Variants in TANC1 observed in about 807,000 individuals in gnomAD.
TANC1 encodes protein TANC1.
A neutral mutation model predicts 149.7 loss-of-function variants in TANC1; 77 were observed. The observed-to-expected ratio is 0.51, with a 90% CI of 0.43 to 0.62. The LOEUF is 0.62. Ranked by LOEUF, TANC1 falls within the 20% of genes least tolerant of loss-of-function variation. The pLI is 0.00. For missense variants in TANC1, 1,985 were observed against 2,321.8 expected, an observed-to-expected ratio of 0.85 and a Z score of 2.98; for synonymous variants, 854 against 925.0, an observed-to-expected ratio of 0.92 and a Z score of 1.39.
At chr2:158,995,578 A>G (rs938177556) in intron 1 of TANC1, among the ~76,000 whole-genome samples, 3 of 152,110 alleles carry the variant, frequency 2.0e-5, no homozygotes, top group Non-Finnish European at 4.4e-5. Context: ...TCATTGCTTA[A>G]GATCTCCCCT....
chr2:159,211,891 C>T (rs2059007167), intron 19 of TANC1, among the ~76,000 whole-genome samples: 1 of 152,230 alleles, frequency 6.6e-6, no homozygotes, highest in Non-Finnish European at 1.5e-5. Context: ...TCACCAAATA[C>T]ATAGCAAGGG....
chr2:159,016,541 ATTTT>A (rs34990286), intron 2 of TANC1, among the ~76,000 whole-genome samples: 2 of 146,304 alleles, frequency 1.4e-5, no homozygotes, highest in East Asian at 4.0e-4. Context: ...TTTAATAAGT[ATTTT>A]TTTTTAGTTT....
chr2:159,112,982 G>T (rs1388357649), intron 4 of TANC1, among the ~76,000 whole-genome samples: 1 of 151,842 alleles, frequency 6.6e-6, no homozygotes, highest in South Asian at 2.1e-4. Flanking sequence ...GTCTTGCTGT[G>T]TCACCCAGGC....
chr2:159,168,917 T>C (rs976157197), intron 8 of TANC1, among the ~76,000 whole-genome samples: 8 of 152,188 alleles, frequency 5.3e-5, no homozygotes, highest in Non-Finnish European at 1.2e-4. Flanking sequence ...CTGCTTGTGG[T>C]GTTAAGTACT....
chr2:158,990,909 C>CA (rs1427976531), intron 1 of TANC1, among the ~76,000 whole-genome samples: 3 of 151,598 alleles, frequency 2.0e-5, no homozygotes, highest in Non-Finnish European at 4.4e-5. Flanking sequence ...CTCGTCTCTA[C>CA]AAAAAATACA....
intron 1 of TANC1, among the ~76,000 whole-genome samples, chr2:158,990,810 C>A (rs2035542236): frequency 6.6e-6 from 1 of 152,110 alleles, no homozygotes; most frequent in African/African-American, 2.4e-5. Flanking sequence ...CTGTGGCTCA[C>A]ACCTGTAATC....
intron 4 of TANC1, among the ~76,000 whole-genome samples, chr2:159,099,504 A>AAAAAC (rs546422995): frequency 2.7e-5 from 4 of 150,636 alleles, no homozygotes; most frequent in East Asian, 1.9e-4. Context: ...GACCAAAAAA[A>AAAAAC]AAAACAAAAC....
At chr2:159,107,832 G>C (rs1189429302) in intron 4 of TANC1, among the ~76,000 whole-genome samples, 1 of 152,190 alleles carries the variant, frequency 6.6e-6, no homozygotes, top group African/African-American at 2.4e-5. Flanking sequence ...CCGAGCATCT[G>C]TAGCACTGTG....
At chr2:159,010,223 G>A (rs1376268990) in intron 2 of TANC1, among the ~76,000 whole-genome samples, 1 of 152,168 alleles carries the variant, frequency 6.6e-6, no homozygotes. Context: ...GAGAACATTA[G>A]TAGTAAGATT....
At chr2:159,222,745 G>A (rs1182826915) in intron 22 of TANC1, among the ~76,000 whole-genome samples, 1 of 152,138 alleles carries the variant, frequency 6.6e-6, no homozygotes, top group Non-Finnish European at 1.5e-5. Context: ...GTTCTTTGGG[G>A]TATATATCCA....
In TANC1 at chr2:159,097,790, G is replaced by T. The variant is rs771808991; in HGVS notation, c.215G>T (p.Arg72Leu). The T allele has an allele frequency of 6.2e-7, 1 of 1,613,848 alleles. No homozygotes were observed. The highest frequency in any genetic ancestry group is 8.5e-7 in the Non-Finnish European group (1 of 1,179,974). Residue 72 changes from arginine (R) to leucine (L), a missense_variant, in exon 4 of 27, where the codon CGA (arginine) becomes CTA (leucine). Transcript: ENST00000263635. ...CTGCCTTCCTCACCTTTGCTGCCTC[G>T]ACAGTCTCACTTGGTGCAATCAAGA... ...MSLPSSPLLPRQSHLVQSRVN... is the reference protein window; with the variant it reads ...MSLPSSPLLPLQSHLVQSRVN...
In TANC1 at chr2:159,177,081, TG is replaced by T. The variant is rs1466895168; in HGVS notation, c.1902+564del. Among the ~76,000 whole-genome samples, 23 of 152,042 alleles carry T rather than the reference TG, an allele frequency of 1.5e-4. No individual in the cohort carries two copies. In the East Asian group the frequency reaches 4.3e-3, roughly 28 times the overall value. ...TCTGCCACCATGCCCAGCTAATTTTTGTATTTTTAGTAGAGACGGATTTTCA... is the reference window on the plus strand; with the variant it reads ...TCTGCCACCATGCCCAGCTAATTTTTTATTTTTAGTAGAGACGGATTTTCA... On this transcript the variant is annotated intron_variant, in intron 13 of 26. Coordinates refer to ENST00000263635, the MANE Select transcript of TANC1 (RefSeq NM_033394.3).
chr2:159,169,303 G>T lies in TANC1; in HGVS notation c.1000G>T (p.Ala334Ser), dbSNP rs1180978124. The T allele has an allele frequency of 6.2e-7, 1 of 1,612,836 alleles. No individual in the cohort carries two copies. The highest frequency in any genetic ancestry group is 8.5e-7 in the Non-Finnish European group (1 of 1,178,942). ...GAGTTATTTAGACGGGCAGAGAAAT[G>T]CTCCTCTACGGACGTCAATTAGATT... is the stretch of plus-strand genomic sequence containing the variant. ...DLSYLDGQRN[A>S]PLRTSIRLPW... Residue 334 changes from alanine to serine, a missense_variant, in exon 9 of 27, where the codon GCT becomes TCT. By Grantham distance (99) the Ala-to-Ser change is moderately conservative. This residue lies in a region of TANC1 where 557 missense variants were observed against 612.9 expected (regional missense o/e 0.91). Transcript: ENST00000263635.
chr2:158,997,212 G>A (rs899905764), intron 1 of TANC1, among the ~76,000 whole-genome samples: 3 of 152,144 alleles, frequency 2.0e-5, no homozygotes, highest in African/African-American at 7.2e-5. Context: ...CAGTTCCAAC[G>A]CTGCTTTATA....
chr2:159,014,500 C>T lies in TANC1; in HGVS notation c.-16+13311C>T, dbSNP rs562558043. Among the ~76,000 whole-genome samples, 10 of 152,258 alleles carry T rather than the reference C, an allele frequency of 6.6e-5. No homozygotes were observed. In the East Asian group the frequency reaches 1.9e-3, roughly 29 times the overall value. On this transcript the variant is annotated intron_variant, in intron 2 of 26. Transcript: ENST00000263635. ...AGAGCCAAACCATATCATTCCACCACCAGCCCCTCCAAAGCTCATGTCCTC... is the reference window on the plus strand; with the variant it reads ...AGAGCCAAACCATATCATTCCACCATCAGCCCCTCCAAAGCTCATGTCCTC...
chr2:159,128,774 A>G (rs970335750), intron 4 of TANC1, among the ~76,000 whole-genome samples: 1 of 151,760 alleles, frequency 6.6e-6, no homozygotes, highest in Non-Finnish European at 1.5e-5. Flanking sequence ...CTGACCAAGC[A>G]CTCTTTTGTT....
chr2:159,170,155 C>T (rs1436194332), intron 9 of TANC1, among the ~76,000 whole-genome samples: 2 of 152,186 alleles, frequency 1.3e-5, no homozygotes, highest in Non-Finnish European at 2.9e-5. Context: ...TTTATTCATA[C>T]AGCAGGGAAG....
intron 7 of TANC1, among the ~76,000 whole-genome samples, chr2:159,159,706 G>GTT (rs2053817343): frequency 1.6e-5 from 1 of 63,480 alleles, no homozygotes; most frequent in Admixed American, 1.6e-4. Context: ...GTGTGTGTGT[G>GTT]TGTGTGTGTG....
At chr2:159,117,771 G>A (rs1225067214) in intron 4 of TANC1, among the ~76,000 whole-genome samples, 2 of 137,508 alleles carry the variant, frequency 1.5e-5, no homozygotes, top group Non-Finnish European at 3.0e-5. Flanking sequence ...TCCAGTATCC[G>A]AGAGGACACC....
Sources: gnomAD v4.1 joint callset for allele counts (sites outside exome capture counted in the v4.1 genomes callset) on GRCh38, gnomAD v4.1.1 for gene constraint, gnomAD v4.1.1 regional missense constraint, MANE v1.5 for transcripts, NCBI Gene and HGNC (gene_info 2026-07-23, HGNC 2026-07-21) for gene names.